PTPRH: variants seen among roughly 807,000 people sequenced by gnomAD.
The protein encoded by PTPRH is receptor-type tyrosine-protein phosphatase H.
PTPRH carries 113 observed loss-of-function variants against 130.2 expected under a neutral mutation model. The observed-to-expected ratio is 0.87, with a 90% CI of 0.75 to 1.01. The LOEUF (loss-of-function observed/expected upper bound fraction) is 1.01, where lower values mean the gene tolerates loss of function less well. PTPRH is among the 50% of genes least tolerant of loss of function. PTPRH has a pLI of 0.00. For synonymous variants in PTPRH, 556 were observed against 577.9 expected (o/e 0.96, Z 0.54); for missense variants, 1,430 against 1,425.0 (o/e 1.00, Z -0.06).
intron 4 of PTPRH, among the ~76,000 whole-genome samples, chr19:55,204,758 T>C (rs1243308882): frequency 1.3e-5 from 2 of 152,178 alleles, no homozygotes; most frequent in Admixed American, 6.6e-5. Flanking sequence ...CCTTCCAGTA[T>C]GGTAGGAGAA....
At chr19:55,188,006 G>T in intron 13 of PTPRH, 72 bp downstream of exon 13, 1 of 936,092 alleles carries the variant, frequency 1.1e-6, no homozygotes, top group African/African-American at 1.8e-5. Context: ...GTGAGGTCTG[G>T]CCAGGGGGTG....
chr19:55,186,383 CAG>C (rs1568892507), intron 15 of PTPRH, 24 bp from the exon 16 acceptor site: 2 of 1,609,244 alleles, frequency 1.2e-6, no homozygotes, highest in Non-Finnish European at 1.7e-6. Context: ...GCAGGCGGGT[CAG>C]GGGGGCCTTT....
intron 10 of PTPRH, chr19:55,193,997 C>T (rs969603544): frequency 6.6e-5 from 26 of 391,724 alleles, no homozygotes; most frequent in Admixed American, 4.6e-4. Flanking sequence ...GACAGACACG[C>T]GCCACCACGC....
intron 12 of PTPRH, among the ~76,000 whole-genome samples, chr19:55,190,814 A>G (rs911184259): frequency 3.3e-5 from 5 of 150,120 alleles, no homozygotes; most frequent in Admixed American, 1.3e-4. Flanking sequence ...AGTTTATATC[A>G]TATTTTTTAT....
At chr19:55,186,433 G>C in intron 15 of PTPRH, 31 bp downstream of exon 15, 1 of 1,613,950 alleles carries the variant, frequency 6.2e-7, no homozygotes, top group Non-Finnish European at 8.5e-7. Context: ...AGGCGTGCTG[G>C]GCACCCTTTC....
chr19:55,184,958 C>T (rs2086276501), intron 18 of PTPRH, among the ~76,000 whole-genome samples: 1 of 151,984 alleles, frequency 6.6e-6, no homozygotes, highest in South Asian at 2.1e-4. Context: ...TCTCCCTTCT[C>T]TTCTGCATTC....
intron 18 of PTPRH, among the ~76,000 whole-genome samples, chr19:55,182,970 CT>C (rs946497866): frequency 6.6e-6 from 1 of 151,554 alleles, no homozygotes; most frequent in Non-Finnish European, 1.5e-5. Flanking sequence ...AACTTATTAA[CT>C]TTTTAATAGA....
At chr19:55,184,442 T>C (rs2086262051) in intron 18 of PTPRH, among the ~76,000 whole-genome samples, 1 of 152,116 alleles carries the variant, frequency 6.6e-6, no homozygotes, top group African/African-American at 2.4e-5. Context: ...CTCTTCCTCA[T>C]CTCCCTAATA....
intron 12 of PTPRH, among the ~76,000 whole-genome samples, chr19:55,189,985 C>T (rs2086478150): frequency 1.3e-5 from 2 of 151,896 alleles, no homozygotes; most frequent in Admixed American, 1.3e-4. Flanking sequence ...CAGAGTGAGA[C>T]CCTGTCTTGA....
At chr19:55,206,168 G>A (rs1194494634) in intron 3 of PTPRH, among the ~76,000 whole-genome samples, 3 of 151,666 alleles carry the variant, frequency 2.0e-5, no homozygotes, top group East Asian at 1.9e-4. Flanking sequence ...AGGAGGCAAA[G>A]GTTGCAGTGA....
Position 55,206,681 on chromosome 19 carries a change from C to G in PTPRH, c.352+8G>C, listed in dbSNP as rs200090410. The G allele has an allele frequency of 5.4e-5, 86 of 1,586,518 alleles. No individual in the cohort carries two copies. In the African/African-American group the frequency reaches 8.7e-4, roughly 16 times the overall value. On this transcript the variant is annotated splice_region_variant and intron_variant, in intron 3 of 19. Coordinates refer to ENST00000376350, the MANE Select transcript of PTPRH (RefSeq NM_002842.5). ...AGAAATAAAAATAAAGCAGTGGCTG[C>G]CTCTTACCTGTGGCAGTAGTGACAG... is the stretch of plus-strand genomic sequence containing the variant.
Position 55,181,850 on chromosome 19 carries a change from G to A in PTPRH, c.3252C>T (p.Ala1084=). ...QCILRFLQQS[A]QAPAEKEVPY... Reference sequence around the variant, plus strand: ...GGACTTCCTTCTCGGCTGGGGCCTGGGCTGACTGTTGGAGGAACCGCAGGA... The same window carrying A: ...GGACTTCCTTCTCGGCTGGGGCCTGAGCTGACTGTTGGAGGAACCGCAGGA... Residue 1084 remains alanine (A), a synonymous_variant, in exon 20 of 20, where the codon GCC becomes GCT. Coordinates refer to ENST00000376350, the MANE Select transcript of PTPRH (RefSeq NM_002842.5). The A allele has an allele frequency of 6.2e-7, 1 of 1,614,200 alleles. No homozygotes were observed. Among genetic ancestry groups the A allele is most frequent in the South Asian group, 1.1e-5 (1 of 91,078 alleles).
At position 55,181,490 on chromosome 19, in the gene PTPRH, C is replaced by G; in HGVS notation, c.*264G>C. On this transcript the variant is annotated 3_prime_UTR_variant, in exon 20 of 20. Transcript: ENST00000376350. ...GGCCCCAGCCTGTTTCTTTCTGCAT[C>G]CTGGAAAGACCTAGGGAATCCAAGC... 4.6e-6 allele frequency: 2 copies of G among 437,532 alleles called. No individual in the cohort carries two copies. The highest frequency in any genetic ancestry group is 8.2e-6 in the Non-Finnish European group (2 of 243,002). The allele number at this position is 437,532 out of a possible 1,614,324, so 27.1% of individuals were successfully genotyped here. A position where few individuals can be genotyped will look rare whatever the true frequency, so the allele number is the denominator to read the frequency against.
At chr19:55,200,950 A>C (rs2086843667) in intron 6 of PTPRH, among the ~76,000 whole-genome samples, 1 of 106,898 alleles carries the variant, frequency 9.4e-6, no homozygotes, top group African/African-American at 4.7e-5. Context: ...CTCAAAACAA[A>C]CAAAAAAAAC....
At position 55,205,349 on chromosome 19, in the gene PTPRH, CG is replaced by C. The variant is rs764744312; in HGVS notation, c.595del (p.Arg199GlyfsTer13). On this transcript the variant is annotated frameshift_variant, in exon 4 of 20. Transcript: ENST00000376350. LOFTEE classifies it high-confidence loss of function. Reference sequence around the variant, plus strand: ...ACCTGTGGTGGCATTTCGAGTCTCCCGGGAGCTGTTGATTCCATTCTTTCCC... The same window carrying C: ...ACCTGTGGTGGCATTTCGAGTCTCCCGGAGCTGTTGATTCCATTCTTTCCC... ...WVGKNGINSS[R>X]ETRNATTAHN... The C allele has an allele frequency of 1.4e-4, 224 of 1,614,054 alleles. 1 individual carries two copies. Among genetic ancestry groups the C allele is most frequent in the South Asian group, 7.2e-4 (66 of 91,090 alleles).
intron 6 of PTPRH, among the ~76,000 whole-genome samples, chr19:55,200,868 G>A (rs911015954): frequency 8.5e-5 from 13 of 152,064 alleles, no homozygotes; most frequent in Non-Finnish European, 1.6e-4. Context: ...GCGTGAACCC[G>A]GGAGGCGGAG....
intron 10 of PTPRH, among the ~76,000 whole-genome samples, chr19:55,196,249 G>A (rs925206511): frequency 4.6e-5 from 7 of 152,120 alleles, no homozygotes; most frequent in African/African-American, 1.2e-4. Flanking sequence ...TTAGCCGGGC[G>A]TGGTGGCACG....
At position 55,196,746 on chromosome 19, in the gene PTPRH, G is replaced by C. The variant is rs145975365; in HGVS notation, c.2033C>G (p.Ala678Gly). 1 of 1,614,104 alleles carries C rather than the reference G, an allele frequency of 6.2e-7. No homozygotes were observed. The highest frequency in any genetic ancestry group is 1.1e-5 in the South Asian group (1 of 91,076). ...VTITSCVSTS[A>G]GYGVNLIWSC... is the part of the protein sequence containing the mutation. ...CCAGATCAAGTTGACTCCATAGCCC[G>C]CTGAGGTGCTGACACAGGAAGTGAT... Residue 678 changes from alanine (A) to glycine (G), a missense_variant, in exon 10 of 20, where the codon GCG becomes GGG. Physicochemically the swap from Ala to Gly is moderately conservative, Grantham distance 60 (BLOSUM62 0). Transcript: ENST00000376350.
intron 4 of PTPRH, among the ~76,000 whole-genome samples, chr19:55,205,009 G>A (rs1424363967): frequency 2.6e-5 from 4 of 152,156 alleles, no homozygotes; most frequent in Non-Finnish European, 5.9e-5. Flanking sequence ...AAGAGTCAGA[G>A]GGTCAGAGTG....
Sources: gnomAD v4.1 joint callset for allele counts (sites outside exome capture counted in the v4.1 genomes callset) on GRCh38, gnomAD v4.1.1 for gene constraint, MANE v1.5 for transcripts, NCBI Gene and HGNC (gene_info 2026-07-23, HGNC 2026-07-21) for gene names.